GMEB1: variants seen among roughly 807,000 people sequenced by gnomAD.
GMEB1 encodes the protein glucocorticoid modulatory element binding protein 1.
GMEB1 carries 6 observed loss-of-function variants against 52.4 expected under a neutral mutation model. The ratio of observed to expected loss-of-function variants is 0.11; its 90% CI spans 0.06 to 0.23. The LOEUF is 0.23. Among genes scored for constraint, GMEB1 ranks in the 10% least tolerant of loss-of-function variants. The pLI, the probability that GMEB1 is intolerant of heterozygous loss-of-function variation, is 1.00. For synonymous variants in GMEB1, 255 were observed against 244.9 expected, an observed-to-expected ratio of 1.04 and a Z score of -0.38; for missense variants, 486 against 685.6, an observed-to-expected ratio of 0.71 and a Z score of 3.25.
At position 28,710,596 on chromosome 1, in the gene GMEB1, G is replaced by C. The variant is rs148296057; in HGVS notation, c.945G>C (p.Arg315Ser). ...DTVKKVLDNR[R>S]NQVEQGEEQF... ...TCAAGAAGGTTTTAGACAACAGAAG[G>C]AACCAAGTAGAGCAGGGAGAAGAAC... The change falls in exon 9 of 10, where the codon AGG becomes AGC. Residue 315 changes from arginine (R) to serine (S), a missense_variant. By Grantham distance (110) the Arg-to-Ser change is moderately radical (BLOSUM62 -1). Around this residue, in one of 5 missense-constraint regions of GMEB1, gnomAD observed 200 missense variants for 253.5 expected, o/e 0.79. Coordinates refer to ENST00000373816, the MANE Select transcript of GMEB1 (RefSeq NM_001319674.2). The C allele has an allele frequency of 6.2e-7, 1 of 1,609,246 alleles. No individual in the cohort carries two copies. The highest frequency in any genetic ancestry group is 8.5e-7 in the Non-Finnish European group (1 of 1,177,268).
chr1:28,710,899 C>T (rs1460476414), intron 9 of GMEB1, among the ~76,000 whole-genome samples: 1 of 152,054 alleles, frequency 6.6e-6, no homozygotes, highest in African/African-American at 2.4e-5. Context: ...TAGATTGCTC[C>T]ATTAATTCAA....
At chr1:28,674,724 T>TA (rs1669065267) in intron 1 of GMEB1, among the ~76,000 whole-genome samples, 1 of 131,874 alleles carries the variant, frequency 7.6e-6, no homozygotes, top group Admixed American at 7.7e-5. Flanking sequence ...TTTTTTTTTT[T>TA]TTTTTTTTTT....
chr1:28,689,105 G>C (rs1011036283), intron 2 of GMEB1, among the ~76,000 whole-genome samples: 1 of 151,866 alleles, frequency 6.6e-6, no homozygotes, highest in Non-Finnish European at 1.5e-5. Flanking sequence ...GGTTAGGCTG[G>C]TGTCGAACTC....
intron 1 of GMEB1, among the ~76,000 whole-genome samples, chr1:28,673,204 C>T (rs1488332314): frequency 6.6e-6 from 1 of 151,684 alleles, no homozygotes; most frequent in African/African-American, 2.4e-5. Flanking sequence ...AGTATTACTC[C>T]TTTTTCATTA....
intron 9 of GMEB1, 127 bp downstream of exon 9, chr1:28,710,769 TAAAA>T (rs3214953): frequency 2.2e-5 from 10 of 457,300 alleles, no homozygotes; most frequent in South Asian, 1.5e-4. Flanking sequence ...CTTTTAAAAA[TAAAA>T]AAAAAAGCCG....
At chr1:28,692,404 C>T (rs1196813114) in intron 4 of GMEB1, among the ~76,000 whole-genome samples, 9 of 151,800 alleles carry the variant, frequency 5.9e-5, no homozygotes, top group Non-Finnish European at 1.0e-4. Context: ...TGGTATTGGG[C>T]GCCTATAATT....
chr1:28,716,888 C>G lies in GMEB1; in HGVS notation c.*2115C>G, dbSNP rs148219207. 1 of 151,832 alleles carries G rather than the reference C, an allele frequency of 6.6e-6. No individual in the cohort carries two copies. Among genetic ancestry groups the G allele is most frequent in the Non-Finnish European group, 1.5e-5 (1 of 67,994 alleles). The allele number at this position is 151,832 out of a possible 1,614,324, so 9.4% of individuals were successfully genotyped here. On this transcript the variant is annotated 3_prime_UTR_variant, in exon 10 of 10. Transcript: ENST00000373816. ...ACCCTGGTTTTTATTTCTTTGATTG[C>G]ATTGTTTACTGCACTAGGAAAAATA...
intron 7 of GMEB1, 120 bp downstream of exon 7, chr1:28,702,689 T>C: frequency 1.3e-6 from 1 of 757,380 alleles, no homozygotes; most frequent in Non-Finnish European, 2.1e-6. Flanking sequence ...ACGTAAATAC[T>C]AACTATAGCT....
At chr1:28,685,643 T>G (rs1259187592) in intron 2 of GMEB1, among the ~76,000 whole-genome samples, 6 of 152,160 alleles carry the variant, frequency 3.9e-5, no homozygotes, top group Non-Finnish European at 7.3e-5. Context: ...CTGAGTTACT[T>G]TAGATAATTT....
chr1:28,694,917 C>T (rs1375672407), intron 5 of GMEB1, among the ~76,000 whole-genome samples: 1 of 151,064 alleles, frequency 6.6e-6, no homozygotes, highest in Non-Finnish European at 1.5e-5. Flanking sequence ...CCACCTCAGC[C>T]TCCCAAAGTG....
chr1:28,693,505 C>G (rs1670059031), intron 5 of GMEB1, among the ~76,000 whole-genome samples: 1 of 151,752 alleles, frequency 6.6e-6, no homozygotes, highest in Admixed American at 6.6e-5. Context: ...GCATGAACCA[C>G]CACGCCCAGC....
intron 8 of GMEB1, among the ~76,000 whole-genome samples, chr1:28,708,530 C>A (rs541650058): frequency 6.6e-6 from 1 of 151,906 alleles, no homozygotes; most frequent in Admixed American, 6.6e-5. Context: ...GGTGCAATCT[C>A]GGCTCACTGC....
chr1:28,683,522 C>T, intron 1 of GMEB1, 61 bp from the exon 2 acceptor site: 3 of 1,388,280 alleles, frequency 2.2e-6, no homozygotes, highest in Admixed American at 2.3e-5. Context: ...AGCCACCATG[C>T]CCGGCCTGTT....
Position 28,717,228 on chromosome 1 carries a change from A to G in GMEB1, c.*2455A>G, listed in dbSNP as rs1261667485. On this transcript the variant is annotated 3_prime_UTR_variant, in exon 10 of 10. Transcript: ENST00000373816. ...TTTTTGAGATGGAGTCTTGCTCTGT[A>G]GCCCAGGCTGGAGTGCAATGGTGTG... is the stretch of plus-strand genomic sequence containing the variant. 1 of 141,924 alleles carries G rather than the reference A, an allele frequency of 7.0e-6. No homozygotes were observed. The highest frequency in any genetic ancestry group is 2.6e-5 in the African/African-American group (1 of 38,750). 8.8% of individuals were successfully genotyped at this position (141,924 alleles called of 1,614,324 possible). A position where few individuals can be genotyped will look rare whatever the true frequency, so the allele number is the denominator to read the frequency against.
At chr1:28,698,299 G>A (rs1430699196) in intron 6 of GMEB1, among the ~76,000 whole-genome samples, 1 of 151,408 alleles carries the variant, frequency 6.6e-6, no homozygotes, top group Admixed American at 6.6e-5. Flanking sequence ...AACCTGGGAG[G>A]CATGGGAGGC....
rs16837667 is a variant in GMEB1, at chr1:28,714,287, A to G, written c.1206A>G (p.Pro402=). The G allele has an allele frequency of 7.3e-3, 11,806 of 1,614,114 alleles. 62 individuals are homozygous for G. The highest frequency in any genetic ancestry group is 0.015 in the Middle Eastern group (89 of 6,062). ...FTVISPITIT[P]VGQSFSMGNI... is the part of the protein sequence containing the mutation. Reference sequence around the variant, plus strand: ...TCATCTCACCCATCACCATCACCCCAGTGGGTCAGTCATTTTCCATGGGCA... The same window carrying G: ...TCATCTCACCCATCACCATCACCCCGGTGGGTCAGTCATTTTCCATGGGCA... The change falls in exon 10 of 10, where the codon CCA becomes CCG. Residue 402 remains proline, a synonymous_variant. Coordinates refer to ENST00000373816, the MANE Select transcript of GMEB1 (RefSeq NM_001319674.2).
intron 6 of GMEB1, among the ~76,000 whole-genome samples, chr1:28,699,198 A>G (rs1001732138): frequency 1.3e-5 from 2 of 152,144 alleles, no homozygotes; most frequent in Non-Finnish European, 2.9e-5. Flanking sequence ...GAAACAGATG[A>G]GCACACTTAA....
chr1:28,685,633 C>G (rs1669605299), intron 2 of GMEB1, among the ~76,000 whole-genome samples: 1 of 152,084 alleles, frequency 6.6e-6, no homozygotes, highest in Non-Finnish European at 1.5e-5. Flanking sequence ...CATCACTATC[C>G]TGAGTTACTT....
At chr1:28,675,370 A>G (rs1232952867) in intron 1 of GMEB1, among the ~76,000 whole-genome samples, 1 of 151,210 alleles carries the variant, frequency 6.6e-6, no homozygotes, top group Non-Finnish European at 1.5e-5. Flanking sequence ...TTTCTTTTAC[A>G]TGTGTTCACA....
Sources: gnomAD v4.1 joint callset for allele counts (sites outside exome capture counted in the v4.1 genomes callset) on GRCh38, gnomAD v4.1.1 for gene constraint, gnomAD v4.1.1 regional missense constraint, MANE v1.5 for transcripts, NCBI Gene and HGNC (gene_info 2026-07-23, HGNC 2026-07-21) for gene names.